Variants in MYCBP2 observed in about 807,000 individuals in gnomAD.
MYCBP2 encodes E3 ubiquitin-protein ligase MYCBP2.
MYCBP2 carries 120 observed loss-of-function variants against 525.3 expected under a neutral mutation model. The ratio of observed to expected loss-of-function variants is 0.23; its 90% CI spans 0.20 to 0.27. The LOEUF is 0.27. Among genes scored for constraint, MYCBP2 ranks in the 10% least tolerant of loss-of-function variants. The pLI is 1.00. For synonymous variants in MYCBP2, 1,894 were observed against 1,955.8 expected (o/e 0.97, Z 0.83); for missense variants, 4,149 against 5,657.1 (o/e 0.73, Z 8.55).
Position 77,055,692 on chromosome 13 carries a change from C to G in MYCBP2, c.13513G>C (p.Ala4505Pro). Reference protein sequence around the residue: ...KELYEDVRRKALMRLEYEGLH... With the variant: ...KELYEDVRRKPLMRLEYEGLH... ...CCTTCATATTCCAATCTCATTAAGG[C>G]TTTTCTTCTGACATCCTCATAGAGT... The change falls in exon 80 of 83, where the codon GCC (alanine) becomes CCC (proline). Residue 4505 changes from alanine to proline, a missense_variant. Physicochemically the swap from Ala to Pro is conservative, Grantham distance 27 (BLOSUM62 -1). Around this residue, in one of 21 missense-constraint regions of MYCBP2, gnomAD observed 220 missense variants for 396.0 expected, o/e 0.56. Transcript: ENST00000544440. 2 of 1,614,038 alleles carry G rather than the reference C, an allele frequency of 1.2e-6. No homozygotes were observed. The highest frequency in any genetic ancestry group is 1.7e-6 in the Non-Finnish European group (2 of 1,179,964).
chr13:77,230,886 T>G (rs73545869), intron 18 of MYCBP2, among the ~76,000 whole-genome samples: 1 of 152,188 alleles, frequency 6.6e-6, no homozygotes, highest in Non-Finnish European at 1.5e-5. Context: ...GGGCTTCATG[T>G]TGGTGCTCAA....
At chr13:77,323,358 G>C (rs143766994) in intron 1 of MYCBP2, among the ~76,000 whole-genome samples, 1 of 152,300 alleles carries the variant, frequency 6.6e-6, no homozygotes, top group Non-Finnish European at 1.5e-5. Context: ...TAATTCATTT[G>C]ACATTGACTG....
intron 56 of MYCBP2, 79 bp from the exon 57 acceptor site, chr13:77,096,560 G>T (rs2046284356): frequency 2.1e-6 from 3 of 1,447,108 alleles, no homozygotes; most frequent in Non-Finnish European, 2.8e-6. Context: ...ATACATTAAT[G>T]ACAGATTTAC....
intron 12 of MYCBP2, 90 bp from the exon 13 acceptor site, chr13:77,260,682 A>G: frequency 1.8e-6 from 2 of 1,142,060 alleles, no homozygotes; most frequent in Non-Finnish European, 2.4e-6. Context: ...AAAAACCCAT[A>G]TTATTTGCAT....
At chr13:77,140,989 A>C (rs377129003) in intron 49 of MYCBP2, 46 bp from the exon 50 acceptor site, 12 of 1,366,604 alleles carry the variant, frequency 8.8e-6, no homozygotes, top group Non-Finnish European at 1.1e-5. Flanking sequence ...AAAAAAGAGA[A>C]GGAAGATCCT....
chr13:77,068,572 T>C lies in MYCBP2; in HGVS notation c.12164A>G (p.Gln4055Arg). The C allele has an allele frequency of 6.2e-7, 1 of 1,614,142 alleles. No individual in the cohort carries two copies. The highest frequency in any genetic ancestry group is 1.7e-5 in the Admixed American group (1 of 60,028). ...SLLHTASPRVQRQVTSLLRRV... is the reference protein window; with the variant it reads ...SLLHTASPRVRRQVTSLLRRV... ...TGTAGTGTGATCAGTCACCTGTCTC[T>C]GGACTCTAGGAGAGGCTGTGTGAAG... Residue 4055 changes from glutamine (Q) to arginine (R), a missense_variant, in exon 70 of 83, where the codon CAG becomes CGG. Around this residue, in one of 21 missense-constraint regions of MYCBP2, gnomAD observed 64 missense variants for 131.2 expected, o/e 0.49. Transcript: ENST00000544440.
intron 27 of MYCBP2, 105 bp downstream of exon 27, chr13:77,194,048 C>T (rs2061528694): frequency 3.2e-6 from 2 of 620,684 alleles, no homozygotes; most frequent in Admixed American, 3.0e-5. Context: ...ATTTGATATT[C>T]ATAGCAGATT....
chr13:77,155,848 T>C (rs2057150668), intron 46 of MYCBP2, among the ~76,000 whole-genome samples: 2 of 152,228 alleles, frequency 1.3e-5, no homozygotes, highest in East Asian at 1.9e-4. Context: ...GGTAGCAAAA[T>C]GTAAAGAACA....
intron 71 of MYCBP2, 54 bp downstream of exon 71, chr13:77,067,527 G>T: frequency 1.3e-6 from 2 of 1,548,710 alleles, no homozygotes; most frequent in South Asian, 1.2e-5. Context: ...TTAAATTTCT[G>T]AACAGTAGCT....
At chr13:77,130,233 TC>T (rs2052508838) in intron 52 of MYCBP2, among the ~76,000 whole-genome samples, 1 of 151,722 alleles carries the variant, frequency 6.6e-6, no homozygotes, top group African/African-American at 2.4e-5. Context: ...ATAAAAAAGA[TC>T]AACTAAGACT....
At chr13:77,257,432 G>A (rs998128008) in intron 14 of MYCBP2, among the ~76,000 whole-genome samples, 8 of 151,950 alleles carry the variant, frequency 5.3e-5, no homozygotes, top group African/African-American at 1.9e-4. Context: ...TTGAGATGAT[G>A]GAGACCCCAT....
intron 55 of MYCBP2, among the ~76,000 whole-genome samples, chr13:77,111,484 GC>G (rs1159717323): frequency 6.6e-6 from 1 of 150,466 alleles, no homozygotes. Flanking sequence ...TTTCGCCCAG[GC>G]TGCTCACTGC....
intron 39 of MYCBP2, among the ~76,000 whole-genome samples, chr13:77,169,133 G>C (rs12874100): frequency 6.6e-6 from 1 of 152,320 alleles, no homozygotes; most frequent in African/African-American, 2.4e-5. Context: ...AACAGGCCGG[G>C]CGCGGTGGCT....
Position 77,244,070 on chromosome 13 carries a change from G to T in MYCBP2, c.2382-119C>A, listed in dbSNP as rs1816301733. The T allele has an allele frequency of 4.6e-6, 5 of 1,087,432 alleles. No homozygotes were observed. In the Admixed American group the frequency reaches 1.6e-4, roughly 35 times the overall value. 67.4% of individuals were successfully genotyped at this position (1,087,432 alleles called of 1,614,324 possible). A position where few individuals can be genotyped will look rare whatever the true frequency, so the allele number is the denominator to read the frequency against. On this transcript the variant is annotated intron_variant, in intron 15 of 82. Coordinates refer to ENST00000544440, the MANE Select transcript of MYCBP2 (RefSeq NM_015057.5). ...TGAAATTGTTAAATGAGTAAGCAAT[G>T]AAATCACCTCTTTAGATCACGATTG...
At position 77,045,724 on chromosome 13, in the gene MYCBP2, T is replaced by C. The variant is rs114246108; in HGVS notation, c.13922-231A>G. Among the ~76,000 whole-genome samples the C allele has an allele frequency of 1.7e-3, 256 of 152,322 alleles. 1 individual carries two copies. The highest frequency in any genetic ancestry group is 5.6e-3 in the African/African-American group (233 of 41,576). On this transcript the variant is annotated intron_variant, in intron 82 of 82. Transcript: ENST00000544440. ...AGAAGTGATGGGGTCCCTTACTCAC[T>C]ATATCCTGCCTAGAGAGGATCACTT...
At chr13:77,175,140 C>T (rs1186604301) in intron 36 of MYCBP2, among the ~76,000 whole-genome samples, 1 of 149,644 alleles carries the variant, frequency 6.7e-6, no homozygotes, top group Non-Finnish European at 1.5e-5. Context: ...CTATATTGCC[C>T]AGCCTAGCCT....
chr13:77,069,225 A>G (rs1273235385), intron 69 of MYCBP2, among the ~76,000 whole-genome samples: 2 of 152,262 alleles, frequency 1.3e-5, no homozygotes, highest in Non-Finnish European at 2.9e-5. Context: ...ATTATACATG[A>G]CATTTTACAA....
At chr13:77,294,104 C>CCATATATA (rs1297038387) in intron 2 of MYCBP2, among the ~76,000 whole-genome samples, 2 of 41,920 alleles carry the variant, frequency 4.8e-5, no homozygotes, top group African/African-American at 6.9e-5. Context: ...GATATAATGG[C>CCATATATA]TATATATATA....
chr13:77,295,402 G>T (rs566426888), intron 2 of MYCBP2, among the ~76,000 whole-genome samples: 1 of 152,284 alleles, frequency 6.6e-6, no homozygotes, highest in South Asian at 2.1e-4. Flanking sequence ...AAAGTGCGGG[G>T]ATTACAGGCG....
Sources: gnomAD v4.1 joint callset for allele counts (sites outside exome capture counted in the v4.1 genomes callset) on GRCh38, gnomAD v4.1.1 for gene constraint, gnomAD v4.1.1 regional missense constraint, MANE v1.5 for transcripts, NCBI Gene and HGNC (gene_info 2026-07-23, HGNC 2026-07-21) for gene names.